The following DNASE1 variants were observed in gnomAD, a reference collection of about 807,000 sequenced individuals.
DNASE1 encodes deoxyribonuclease 1.
In DNASE1, 40 loss-of-function variants were observed where a neutral mutation model predicts 33.9. The ratio of observed to expected loss-of-function variants is 1.18; its 90% confidence interval spans 0.92 to 1.54. The LOEUF (loss-of-function observed/expected upper bound fraction) is 1.54. Among genes scored for constraint, DNASE1 ranks in the 40% most tolerant of loss-of-function variants. The pLI, the probability that DNASE1 is intolerant of heterozygous loss-of-function variation, is 0.00. For missense variants in DNASE1, 518 were observed against 372.6 expected, an observed-to-expected ratio of 1.39 and a Z score of -3.21; for synonymous variants, 216 against 160.0, an observed-to-expected ratio of 1.35 and a Z score of -2.64.
rs933554428 is a variant in DNASE1 at position 3,656,837 on chromosome 16, C to A, written c.436+84C>A. Reference sequence around the variant, plus strand: ...CCTAGGGAACCTGGAATGCCTGTGTCACACACTGCCCTCCCAGTCCCTGGG... The same window carrying A: ...CCTAGGGAACCTGGAATGCCTGTGTAACACACTGCCCTCCCAGTCCCTGGG... On this transcript the variant is annotated intron_variant, in intron 5 of 8. Transcript: ENST00000246949. 9.7e-6 allele frequency: 15 copies of A among 1,541,328 alleles called. No individual in the cohort carries two copies. The African/African-American group carries it at 1.2e-4, about 13-fold the overall frequency.
rs1482839855 is a variant in DNASE1 at position 3,655,011 on chromosome 16, C to G, written c.-35C>G. 1 of 491,914 alleles carries G rather than the reference C, an allele frequency of 2.0e-6. No homozygotes were observed. Among genetic ancestry groups the G allele is most frequent in the Non-Finnish European group, 3.6e-6 (1 of 280,578 alleles). 30.5% of individuals were successfully genotyped at this position (491,914 alleles called of 1,614,324 possible). A position where few individuals can be genotyped will look rare whatever the true frequency, so the allele number is the denominator to read the frequency against. The stretch of plus-strand genomic sequence containing the variant: ...GATATTCCAGATTCTTGACAGCATT[C>G]TCGTCATCTCTGAGGACATCACCAT... On this transcript the variant is annotated 5_prime_UTR_variant, in exon 1 of 9. Transcript: ENST00000246949.
chr16:3,651,035 G>C (rs1001487663), upstream of DNASE1: 6 of 152,356 alleles, frequency 3.9e-5, no homozygotes, highest in African/African-American at 1.2e-4. Flanking sequence ...GGGTGCCTCC[G>C]TGCAGGTTGG....
chr16:3,664,387 A>T, exon 10 of DNASE1: 2 of 1,612,506 alleles, frequency 1.2e-6, no homozygotes, highest in Non-Finnish European at 1.7e-6. Flanking sequence ...CGGCTGGCGT[A>T]TTCTGAGAGG....
intron 1 of DNASE1, among the ~76,000 whole-genome samples, chr16:3,649,479 A>T (rs34832017): frequency 0.041 from 6,238 of 152,280 alleles, 181 homozygotes; most frequent in Non-Finnish European, 0.062. Flanking sequence ...TGTTGCAATT[A>T]TTCTTTTCAG....
upstream of DNASE1, among the ~76,000 whole-genome samples, chr16:3,650,438 T>C (rs2042298470): frequency 6.6e-6 from 1 of 152,186 alleles, no homozygotes; most frequent in Non-Finnish European, 1.5e-5. Context: ...GGATATACGC[T>C]GATCTTTTGG....
upstream of DNASE1, chr16:3,653,806 C>CAAAAAAAAAAAAAAAA (rs71133649): frequency 1.4e-4 from 5 of 37,034 alleles, no homozygotes; most frequent in East Asian, 1.2e-3. Flanking sequence ...GATTCCGCCT[C>CAAAAAAAAAAAAAAAA]AAAAAAAAAA....
At chr16:3,644,734 CA>C (rs779237862) in intron 1 of DNASE1, among the ~76,000 whole-genome samples, 8,388 of 102,784 alleles carry the variant, frequency 0.082, 219 homozygotes, top group Admixed American at 0.11. Flanking sequence ...GACTCCATCT[CA>C]AAAAAAAAAA....
At chr16:3,659,090 T>A (rs1322395669), downstream of DNASE1, 6 of 526,256 alleles carry the variant, frequency 1.1e-5, no homozygotes, top group Non-Finnish European at 2.0e-5. Context: ...GTAGCCAAAC[T>A]CCAAGATTAA....
At chr16:3,627,522 C>T (rs956852092) in intron 1 of DNASE1, among the ~76,000 whole-genome samples, 2 of 152,130 alleles carry the variant, frequency 1.3e-5, no homozygotes, top group African/African-American at 2.4e-5. Flanking sequence ...AGTGATCCTT[C>T]CACCTCAGTC....
exon 10 of DNASE1, chr16:3,664,301 A>C: frequency 1.2e-6 from 2 of 1,605,854 alleles, no homozygotes; most frequent in Admixed American, 1.7e-5. Flanking sequence ...TCATGGCCTC[A>C]TAGTAGGGTG....
downstream of DNASE1, chr16:3,658,990 G>A: frequency 3.2e-6 from 3 of 923,190 alleles, no homozygotes; most frequent in Non-Finnish European, 5.0e-6. Flanking sequence ...TTTTAAATAA[G>A]GTATGTTAAT....
At chr16:3,663,296 G>T in exon 10 of DNASE1, 2 of 1,275,228 alleles carry the variant, frequency 1.6e-6, no homozygotes, top group Non-Finnish European at 1.1e-6. Flanking sequence ...GCTCCCACAA[G>T]GCTCTTCTCG....
chr16:3,656,782 T>C, intron 5 of DNASE1, 29 bp downstream of exon 5: 1 of 1,577,438 alleles, frequency 6.3e-7, no homozygotes, highest in Non-Finnish European at 8.6e-7. Context: ...AGGGTGGGGC[T>C]CGGCTTGGCG....
At chr16:3,646,343 A>C (rs1483507600) in intron 1 of DNASE1, among the ~76,000 whole-genome samples, 2 of 152,032 alleles carry the variant, frequency 1.3e-5, no homozygotes, top group African/African-American at 4.8e-5. Flanking sequence ...AAAGACCACT[A>C]CTTTCTTGGC....
chr16:3,655,773 G>A, intron 2 of DNASE1, 76 bp from the exon 3 acceptor site: 1 of 1,565,710 alleles, frequency 6.4e-7, no homozygotes, highest in Non-Finnish European at 8.8e-7. Context: ...AGCATCAGCT[G>A]TGGCTCCCTT....
At chr16:3,628,564 T>A (rs2041592923) in intron 1 of DNASE1, among the ~76,000 whole-genome samples, 1 of 151,896 alleles carries the variant, frequency 6.6e-6, no homozygotes, top group Admixed American at 6.6e-5. Context: ...TTTTTTTCTT[T>A]CTTTTTTTTT....
rs114284773 is a variant in DNASE1 at position 3,631,274 on chromosome 16, C to A, written c.-1358-9441C>A. On this transcript the variant is annotated intron_variant and NMD_transcript_variant, in intron 1 of 11. Transcript: ENST00000570769. ...CTGGAGTGCAGTGGCAATCTTGACT[C>A]ACTGCAACCAACCTCTGCCTCCCAG... Among the ~76,000 whole-genome samples, 538 of 151,346 alleles carry A rather than the reference C, an allele frequency of 3.6e-3. 3 individuals are homozygous for A. Among genetic ancestry groups the A allele is most frequent in the African/African-American group, 0.012 (510 of 41,216 alleles).
At chr16:3,620,800 A>G (rs1034095462) in intron 1 of DNASE1, among the ~76,000 whole-genome samples, 2 of 150,640 alleles carry the variant, frequency 1.3e-5, no homozygotes, top group Non-Finnish European at 3.0e-5. Flanking sequence ...TTTTTTTTAA[A>G]AAGTTTATTA....
chr16:3,654,359 C>T, upstream of DNASE1: 2 of 398,812 alleles, frequency 5.0e-6, no homozygotes, highest in East Asian at 3.6e-5. Context: ...TTCCGAGCTC[C>T]CCAGCCTCCT....
Sources: allele counts gnomAD v4.1 joint callset (sites outside exome capture counted in the v4.1 genomes callset), GRCh38; gene constraint gnomAD v4.1.1; transcripts MANE v1.5; gene names NCBI Gene and HGNC (gene_info 2026-07-23, HGNC 2026-07-21).